The following CIZ1 variants were observed in gnomAD, a reference collection of about 807,000 sequenced individuals.
CIZ1 encodes CDKN1A interacting zinc finger protein 1, also known as cip1-interacting zinc finger protein.
A neutral mutation model predicts 118.6 loss-of-function variants in CIZ1; 58 were observed. That is an observed-to-expected ratio of 0.49 (90% CI 0.40 to 0.61). The LOEUF is 0.61. Among genes scored for constraint, CIZ1 ranks in the 20% least tolerant of loss-of-function variants. The pLI is 0.00. For synonymous variants in CIZ1, 448 were observed against 443.4 expected (o/e 1.01, Z -0.13); for missense variants, 921 against 1,115.9 (o/e 0.83, Z 2.49).
At chr9:128,178,311 C>A in intron 9 of CIZ1, 58 bp downstream of exon 9, 3 of 1,555,772 alleles carry the variant, frequency 1.9e-6, no homozygotes, top group Non-Finnish European at 1.7e-6. Context: ...AGAAAGAGGC[C>A]ATCCCACCCT....
chr9:128,191,714 G>T (rs971815630), upstream of CIZ1: 6 of 1,332,762 alleles, frequency 4.5e-6, no homozygotes, highest in Non-Finnish European at 2.9e-6. This position sits in a 1 kb window ranked among gnomAD's most constrained non-coding sequence, Gnocchi z 5.5. Flanking sequence ...GTGCGAGGGG[G>T]TCCTGGGCGG....
rs1359143819 is a variant in CIZ1 at position 128,169,051 on chromosome 9, C to T, written c.2295+1G>A. 6 of 1,614,064 alleles carry T rather than the reference C, an allele frequency of 3.7e-6. No individual in the cohort carries two copies. Among genetic ancestry groups the T allele is most frequent in the East Asian group, 2.2e-5 (1 of 44,906 alleles). On this transcript the variant is annotated splice_donor_variant, in intron 14 of 16. Transcript: ENST00000372938. LOFTEE classifies it high-confidence loss of function. ...CGCCTCCCACACCCTCCCCCCAGCA[C>T]CTGCTTGCAGAGTTCCTCCTCAACC...
intron 10 of CIZ1, 59 bp from the exon 11 acceptor site, chr9:128,176,534 G>A: frequency 6.4e-7 from 1 of 1,562,062 alleles, no homozygotes; most frequent in Non-Finnish European, 8.7e-7. Context: ...AGTGGGCAAG[G>A]CTGGGGCCTG....
Position 128,187,954 on chromosome 9 carries a change from C to G in CIZ1, c.287-20G>C. The G allele has an allele frequency of 1.5e-6, 1 of 679,116 alleles. No individual in the cohort carries two copies. 42.1% of individuals were successfully genotyped at this position (679,116 alleles called of 1,614,324 possible). A position where few individuals can be genotyped will look rare whatever the true frequency, so the allele number is the denominator to read the frequency against. Reference sequence around the variant, plus strand: ...CCAGTCCTTTAGGAAAGCAATTCGGCAATACTTATCAAGAGCCATAAAACA... The same window carrying G: ...CCAGTCCTTTAGGAAAGCAATTCGGGAATACTTATCAAGAGCCATAAAACA... On this transcript the variant is annotated intron_variant, in intron 3 of 16. Transcript: ENST00000372938.
chr9:128,169,367 C>A (rs1211635515), intron 13 of CIZ1, 39 bp downstream of exon 13: 1 of 1,559,066 alleles, frequency 6.4e-7, no homozygotes, highest in South Asian at 1.1e-5. Flanking sequence ...AGGCTCTGTA[C>A]CTCTCTGGGC....
upstream of CIZ1, among the ~76,000 whole-genome samples, chr9:128,195,413 A>G (rs1833353069): frequency 6.6e-6 from 1 of 151,656 alleles, no homozygotes; most frequent in Admixed American, 6.6e-5. Context: ...TGCCTCCTGG[A>G]TTTAAGTGAT....
chr9:128,176,947 C>T (rs45618245), intron 10 of CIZ1, among the ~76,000 whole-genome samples: 8,171 of 152,210 alleles, frequency 0.054, 700 homozygotes, highest in African/African-American at 0.18. Context: ...CTCTGTTACC[C>T]AGGCTGGAGC....
intron 11 of CIZ1, among the ~76,000 whole-genome samples, chr9:128,176,131 C>G (rs1830818072): frequency 6.6e-6 from 1 of 152,190 alleles, no homozygotes; most frequent in South Asian, 2.1e-4. Flanking sequence ...CTAGAGGGAA[C>G]CTTAAGAGAA....
At chr9:128,199,003 G>A (rs1833445440) in intron 1 of CIZ1, among the ~76,000 whole-genome samples, 1 of 151,994 alleles carries the variant, frequency 6.6e-6, no homozygotes, top group South Asian at 2.1e-4. Context: ...TCTTGGCTAT[G>A]TGACCTCAGA....
chr9:128,195,874 G>A (rs908570676), upstream of CIZ1, among the ~76,000 whole-genome samples: 4 of 151,794 alleles, frequency 2.6e-5, no homozygotes, highest in Admixed American at 6.6e-5. Flanking sequence ...ATTTTTGTTT[G>A]TTTGTTTTTG....
chr9:128,177,546 C>CAAA lies in CIZ1; in HGVS notation c.1818+19_1818+20insTTT. 4 of 1,353,434 alleles carry CAAA rather than the reference C, an allele frequency of 3.0e-6. No individual in the cohort carries two copies. Among genetic ancestry groups the CAAA allele is most frequent in the Non-Finnish European group, 3.0e-6 (3 of 1,013,736 alleles). 83.8% of individuals were successfully genotyped at this position (1,353,434 alleles called of 1,614,324 possible). A position where few individuals can be genotyped will look rare whatever the true frequency, so the allele number is the denominator to read the frequency against. ...CACGCAGGCCCCACCCCTCCCCACCCTTATCTCCTGTATCAGTACCTGCTG... is the reference window on the plus strand; with the variant it reads ...CACGCAGGCCCCACCCCTCCCCACCCAAATTATCTCCTGTATCAGTACCTGCTG... On this transcript the variant is annotated intron_variant, in intron 10 of 16. Transcript: ENST00000372938.
At position 128,166,341 on chromosome 9, in the gene CIZ1, G is replaced by A. The variant is rs376443811; in HGVS notation, c.2553C>T (p.Asn851=). Residue 851 remains asparagine (N), a synonymous_variant, in exon 17 of 17, where the codon AAC becomes AAT. Transcript: ENST00000372938. This position sits in a 1 kb window ranked among gnomAD's most constrained non-coding sequence, Gnocchi z 4.4. ...TRPVSRRCAI[N]ARNALTALFT... The stretch of plus-strand genomic sequence containing the variant: ...ACAGGGCTGTCAAAGCGTTCCGGGC[G>A]TTGATTGCGCACCGGCGGCTCACAG... 4.5e-5 allele frequency: 70 copies of A among 1,564,802 alleles called. No homozygotes were observed. The highest frequency in any genetic ancestry group is 5.4e-5 in the Non-Finnish European group (62 of 1,154,350).
At chr9:128,191,629 G>A (rs1833168744), upstream of CIZ1, 6 of 1,223,522 alleles carry the variant, frequency 4.9e-6, no homozygotes, top group East Asian at 2.0e-4. This position sits in a 1 kb window ranked among gnomAD's most constrained non-coding sequence, Gnocchi z 5.5. Context: ...GGGAGGTCCA[G>A]GCGCCTCCGG....
chr9:128,201,662 G>T (rs898429639), intron 1 of CIZ1, among the ~76,000 whole-genome samples: 3 of 152,166 alleles, frequency 2.0e-5, no homozygotes, highest in African/African-American at 7.2e-5. Context: ...CCAGCTGTCT[G>T]GTGAGCTGTT....
intron 11 of CIZ1, among the ~76,000 whole-genome samples, chr9:128,172,680 T>A (rs750940240): frequency 1.2e-4 from 19 of 152,156 alleles, no homozygotes; most frequent in Non-Finnish European, 2.8e-4. Context: ...ATTCCGATTT[T>A]TATTTTTAAA....
Position 128,166,786 on chromosome 9 carries a change from C to CT in CIZ1, c.2459dup (p.Ser821ValfsTer6). ...GCAGGTTCTCAAAGTGGCCCAGGGA[C>CT]TTGCAGTGGGAGAGCTGTGCCCCTG... On this transcript the variant is annotated frameshift_variant, in exon 16 of 17. Coordinates refer to ENST00000372938, the MANE Select transcript of CIZ1 (RefSeq NM_001131016.2). LOFTEE classifies it high-confidence loss of function. The surrounding 1 kb of genome is among the most constrained non-coding windows in gnomAD (Gnocchi z 4.4). The CT allele has an allele frequency of 6.2e-7, 1 of 1,614,218 alleles. No individual in the cohort carries two copies. Among genetic ancestry groups the CT allele is most frequent in the Non-Finnish European group, 8.5e-7 (1 of 1,180,030 alleles).
At chr9:128,168,817 C>T (rs1588114196) in intron 14 of CIZ1, 1 of 553,250 alleles carries the variant, frequency 1.8e-6, no homozygotes, top group Non-Finnish European at 3.2e-6. Context: ...GTTCCCTTTC[C>T]CTTCCTCCAC....
At position 128,180,811 on chromosome 9, in the gene CIZ1, A is replaced by G; in HGVS notation, c.592T>C (p.Ser198Pro). ...SSSTTPNRKD[S>P]SSQTMPVEDK... is the part of the protein sequence containing the mutation. ...TCCACAGGCATTGTCTGAGAAGAAGAATCCTGCTTCCTTTCAGAAACTATG... is the reference window on the plus strand; with the variant it reads ...TCCACAGGCATTGTCTGAGAAGAAGGATCCTGCTTCCTTTCAGAAACTATG... The change falls in exon 6 of 17, where the codon TCT becomes CCT. Residue 198 changes from serine to proline, a missense_variant. Transcript: ENST00000372938. The G allele has an allele frequency of 6.2e-7, 1 of 1,608,142 alleles. No individual in the cohort carries two copies. Among genetic ancestry groups the G allele is most frequent in the Non-Finnish European group, 8.5e-7 (1 of 1,177,268 alleles).
intron 14 of CIZ1, chr9:128,168,832 G>C (rs1829770453): frequency 1.6e-6 from 1 of 607,442 alleles, no homozygotes; most frequent in African/African-American, 1.9e-5. Flanking sequence ...CTCCACACAG[G>C]TCCAAATTTC....
Sources: gnomAD v4.1 joint callset for allele counts (sites outside exome capture counted in the v4.1 genomes callset) on GRCh38, gnomAD v4.1.1 for gene constraint, Gnocchi (gnomAD v3.1) non-coding constraint, MANE v1.5 for transcripts, NCBI Gene and HGNC (gene_info 2026-07-23, HGNC 2026-07-21) for gene names.